The following KIF26B variants were observed in gnomAD, a reference collection of about 807,000 sequenced individuals.
KIF26B encodes kinesin family member 26B.
KIF26B carries 63 observed loss-of-function variants against 151.2 expected under a neutral mutation model. That is an observed-to-expected ratio of 0.42 (90% CI 0.34 to 0.51). The LOEUF (loss-of-function observed/expected upper bound fraction) is 0.51. Among genes scored for constraint, KIF26B ranks in the 20% least tolerant of loss-of-function variants. The pLI is 0.07. For synonymous variants in KIF26B, 1,357 were observed against 1,262.1 expected (o/e 1.08, Z -1.59); for missense variants, 2,813 against 2,913.6 (o/e 0.97, Z 0.79).
At chr1:245,424,969 G>T (rs1658584878) in intron 4 of KIF26B, among the ~76,000 whole-genome samples, 1 of 151,442 alleles carries the variant, frequency 6.6e-6, no homozygotes. Context: ...GGAAAAAATA[G>T]TAACAGTCAC....
At chr1:245,505,427 C>A (rs554352451) in intron 4 of KIF26B, among the ~76,000 whole-genome samples, 1 of 152,102 alleles carries the variant, frequency 6.6e-6, no homozygotes, top group South Asian at 2.1e-4. Flanking sequence ...GCTCTGTCGC[C>A]CAGGCTGGAG....
At chr1:245,625,430 T>G (rs2043713366) in intron 9 of KIF26B, among the ~76,000 whole-genome samples, 2 of 152,174 alleles carry the variant, frequency 1.3e-5, no homozygotes, top group Non-Finnish European at 2.9e-5. Context: ...TCTCTCTAGT[T>G]TAGGTTTTTA....
chr1:245,196,657 G>A lies in KIF26B; in HGVS notation c.465+39974G>A, dbSNP rs1422042826. ...CCAAGCCAGACAGGTGTGGCTTAAC[G>A]GACCTCAGAATTCTCCCTTGGATAT... On this transcript the variant is annotated intron_variant, in intron 2 of 14. Coordinates refer to ENST00000407071, the MANE Select transcript of KIF26B (RefSeq NM_018012.4). Among the ~76,000 whole-genome samples the A allele has an allele frequency of 7.9e-5, 12 of 152,192 alleles. No homozygotes were observed. In the East Asian group the frequency reaches 1.7e-3, roughly 22 times the overall value.
At chr1:245,517,574 G>A (rs1051472395) in intron 4 of KIF26B, among the ~76,000 whole-genome samples, 7 of 152,158 alleles carry the variant, frequency 4.6e-5, no homozygotes, top group African/African-American at 9.7e-5. Context: ...TTTATTGAGC[G>A]CTTGATGTAT....
At chr1:245,309,051 A>T (rs1022371627) in intron 2 of KIF26B, among the ~76,000 whole-genome samples, 1 of 152,112 alleles carries the variant, frequency 6.6e-6, no homozygotes, top group African/African-American at 2.4e-5. Context: ...TTTTCTGAGG[A>T]TGTGGCTCTC....
chr1:245,180,113 G>A (rs1329538129), intron 2 of KIF26B, among the ~76,000 whole-genome samples: 2 of 152,236 alleles, frequency 1.3e-5, no homozygotes, highest in Non-Finnish European at 2.9e-5. Context: ...AGAGGCTGTC[G>A]CCATGCTTTT....
intron 4 of KIF26B, among the ~76,000 whole-genome samples, chr1:245,466,208 TTTGTTTC>T (rs1659787281): frequency 2.7e-5 from 3 of 112,738 alleles, no homozygotes; most frequent in African/African-American, 1.0e-4. Flanking sequence ...TGTTTGTTTG[TTTGTTTC>T]CCTCCTGATA....
chr1:245,602,640 T>G lies in KIF26B; in HGVS notation c.1414T>G (p.Leu472Val). The stretch of plus-strand genomic sequence containing the variant: ...AGATACTTCAGAATCCAGCTCTTTC[T>G]TAAAGGTGGACCCACGGAAGAAGCA... ...ARDTSESSSF[L>V]KVDPRKKQIT... Residue 472 changes from leucine to valine, a missense_variant, in exon 6 of 15, where the codon TTA becomes GTA. Leu to Val is a conservative substitution (Grantham distance 32). This residue lies in a region of KIF26B where 676 missense variants were observed against 688.1 expected (regional missense o/e 0.98). Transcript: ENST00000407071. The surrounding 1 kb of genome is among the most constrained non-coding windows in gnomAD (Gnocchi z 4.5). 2.5e-6 allele frequency: 4 copies of G among 1,614,070 alleles called. No homozygotes were observed. The highest frequency in any genetic ancestry group is 2.5e-6 in the Non-Finnish European group (3 of 1,179,902).
At chr1:245,663,624 A>G (rs1236672306) in intron 10 of KIF26B, among the ~76,000 whole-genome samples, 1 of 152,180 alleles carries the variant, frequency 6.6e-6, no homozygotes, top group Non-Finnish European at 1.5e-5. Context: ...AGTTTACTCC[A>G]GACAGCATTT....
At chr1:245,700,836 G>T (rs1427288459) in intron 14 of KIF26B, among the ~76,000 whole-genome samples, 1 of 152,220 alleles carries the variant, frequency 6.6e-6, no homozygotes, top group Non-Finnish European at 1.5e-5. Context: ...CATGCGCACG[G>T]GGCGCTGTGC....
At chr1:245,580,858 T>C (rs1426617593) in intron 5 of KIF26B, among the ~76,000 whole-genome samples, 2 of 152,246 alleles carry the variant, frequency 1.3e-5, no homozygotes, top group Non-Finnish European at 2.9e-5. Context: ...GCTGTCCTCC[T>C]TCCTCGTTCT....
chr1:245,383,287 G>A (rs965399682), intron 3 of KIF26B, among the ~76,000 whole-genome samples: 38 of 151,990 alleles, frequency 2.5e-4, no homozygotes, highest in African/African-American at 9.2e-4. Context: ...CTGAAAAATA[G>A]CGGTGGAATT....
chr1:245,558,827 G>T (rs927731377), intron 5 of KIF26B, among the ~76,000 whole-genome samples: 1 of 152,174 alleles, frequency 6.6e-6, no homozygotes, highest in Non-Finnish European at 1.5e-5. Context: ...CCAGCATCTC[G>T]CCAACCTTTG....
chr1:245,559,279 G>A lies in KIF26B; in HGVS notation c.1350+18329G>A, dbSNP rs111625793. ...CTTGAGCCCGGGAAGTCTAAGCTCCGGTGAGCCTGTGATTGTACCACTGCA... is the reference window on the plus strand; with the variant it reads ...CTTGAGCCCGGGAAGTCTAAGCTCCAGTGAGCCTGTGATTGTACCACTGCA... On this transcript the variant is annotated intron_variant, in intron 5 of 14. Transcript: ENST00000407071. Among the ~76,000 whole-genome samples, 214 of 152,230 alleles carry A rather than the reference G, an allele frequency of 1.4e-3. 1 individual carries two copies. Among genetic ancestry groups the A allele is most frequent in the Middle Eastern group, 0.014 (4 of 294 alleles).
intron 2 of KIF26B, among the ~76,000 whole-genome samples, chr1:245,273,455 A>C (rs1352086903): frequency 6.6e-6 from 1 of 151,872 alleles, no homozygotes; most frequent in Non-Finnish European, 1.5e-5. Context: ...CAAAAAACAA[A>C]AGTGGGATAT....
At chr1:245,260,415 G>T (rs1196200018) in intron 2 of KIF26B, among the ~76,000 whole-genome samples, 1 of 152,184 alleles carries the variant, frequency 6.6e-6, no homozygotes, top group African/African-American at 2.4e-5. Context: ...CCAAGTGCAG[G>T]TCACTTACCT....
intron 2 of KIF26B, among the ~76,000 whole-genome samples, chr1:245,359,824 G>A (rs1672777091): frequency 6.6e-6 from 1 of 151,714 alleles, no homozygotes; most frequent in African/African-American, 2.4e-5. Context: ...TGGGATTACA[G>A]GTGTAAGCCA....
intron 4 of KIF26B, among the ~76,000 whole-genome samples, chr1:245,484,746 C>CTCTTCT (rs150455383): frequency 6.2e-5 from 9 of 145,476 alleles, no homozygotes; most frequent in East Asian, 2.0e-4. Context: ...TCTCCTCTTC[C>CTCTTCT]TCTTCTTCTT....
rs374110004 is a variant in KIF26B at position 245,702,801 on chromosome 1, G to A, written c.*195G>A. ...AGGAAAGGTGCAAACGTCAAACACC[G>A]TGGAAGGAGAAAAGGATGGGAAGCC... On this transcript the variant is annotated 3_prime_UTR_variant, in exon 15 of 15. Coordinates refer to ENST00000407071, the MANE Select transcript of KIF26B (RefSeq NM_018012.4). This position sits in a 1 kb window ranked among gnomAD's most constrained non-coding sequence, Gnocchi z 4.1. 4.9e-5 allele frequency: 27 copies of A among 550,910 alleles called. No homozygotes were observed. Among genetic ancestry groups the A allele is most frequent in the South Asian group, 2.2e-4 (5 of 23,254 alleles). The allele number at this position is 550,910 out of a possible 1,614,324, so 34.1% of individuals were successfully genotyped here. A position where few individuals can be genotyped will look rare whatever the true frequency, so the allele number is the denominator to read the frequency against.
Sources: allele counts gnomAD v4.1 joint callset (sites outside exome capture counted in the v4.1 genomes callset), GRCh38; gene constraint gnomAD v4.1.1; regional missense constraint gnomAD v4.1.1; non-coding constraint Gnocchi (gnomAD v3.1); transcripts MANE v1.5; gene names NCBI Gene and HGNC (gene_info 2026-07-23, HGNC 2026-07-21).